Variants in SCGB2B2 observed in about 807,000 individuals in gnomAD.
SCGB2B2 encodes the protein secretoglobin family 2B member 2, also known as secretoglobin-like protein.
In SCGB2B2, 11 loss-of-function variants were observed where a neutral mutation model predicts 7.6. That is an observed-to-expected ratio of 1.45 (90% confidence interval 0.91 to 2.40). The LOEUF is 2.40. Among genes scored for constraint, SCGB2B2 ranks in the 30% most tolerant of loss-of-function variants. The pLI is 0.00. For missense variants in SCGB2B2, 104 were observed against 115.4 expected (o/e 0.90, Z 0.45); for synonymous variants, 50 against 48.6 (o/e 1.03, Z -0.12).
chr19:34,633,937 T>C (rs1316133926), intron 1 of SCGB2B2, among the ~76,000 whole-genome samples: 1 of 152,144 alleles, frequency 6.6e-6, no homozygotes, highest in Admixed American at 6.5e-5. Flanking sequence ...TAGCGAGCAA[T>C]AAAGCTTGTT....
chr19:34,649,411 C>G (rs956614207), intron 1 of SCGB2B2, among the ~76,000 whole-genome samples: 1 of 152,132 alleles, frequency 6.6e-6, no homozygotes, highest in Non-Finnish European at 1.5e-5. Context: ...CTGAACAGAA[C>G]TGACACACAC....
chr19:34,645,145 A>C (rs1021424358), intron 1 of SCGB2B2, among the ~76,000 whole-genome samples: 3 of 152,178 alleles, frequency 2.0e-5, no homozygotes, highest in Non-Finnish European at 4.4e-5. Context: ...TCGTGAAGGG[A>C]CAATAAACGC....
At chr19:34,632,622 T>C (rs2066565919) in intron 1 of SCGB2B2, 1 of 152,204 alleles carries the variant, frequency 6.6e-6, no homozygotes, top group African/African-American at 2.4e-5. Context: ...GACATGGAGT[T>C]CCTGAAATCC....
At chr19:34,663,879 G>A (rs538227269) in intron 1 of SCGB2B2, among the ~76,000 whole-genome samples, 25 of 152,204 alleles carry the variant, frequency 1.6e-4, no homozygotes, top group African/African-American at 6.0e-4. Context: ...GAGAGGACTG[G>A]GGGGAAGAGA....
chr19:34,611,602 T>C (rs150052566), intron 1 of SCGB2B2, among the ~76,000 whole-genome samples: 19 of 152,196 alleles, frequency 1.2e-4, no homozygotes, highest in African/African-American at 4.6e-4. Context: ...CCCAGGCTTT[T>C]GTATGTTGCA....
rs957789272 is a variant in SCGB2B2, at chr19:34,642,254, C to A, written c.-2032+33376G>T. Among the ~76,000 whole-genome samples, 7 of 152,336 alleles carry A rather than the reference C, an allele frequency of 4.6e-5. No homozygotes were observed. In the South Asian group the frequency reaches 1.0e-3, roughly 23 times the overall value. ...GAGATCCTCAGTGTCCTCAGTATCA[C>A]TGGGGACTCCTGCAATGCTACCCAC... is the stretch of plus-strand genomic sequence containing the variant. On this transcript the variant is annotated intron_variant, in intron 1 of 3. Transcript: ENST00000601241.
chr19:34,661,953 C>G (rs2067468979), intron 1 of SCGB2B2, among the ~76,000 whole-genome samples: 1 of 151,916 alleles, frequency 6.6e-6, no homozygotes, highest in South Asian at 2.1e-4. Context: ...GATCTCGGCT[C>G]ATCGTAACCT....
At chr19:34,606,280 T>C (rs10414881) in intron 1 of SCGB2B2, among the ~76,000 whole-genome samples, 14,445 of 152,040 alleles carry the variant, frequency 0.095, 808 homozygotes, top group South Asian at 0.19. Context: ...ACCTGACATA[T>C]CCATCATAGA....
At chr19:34,625,482 T>C (rs1600054010) in intron 1 of SCGB2B2, among the ~76,000 whole-genome samples, 1 of 152,222 alleles carries the variant, frequency 6.6e-6, no homozygotes, top group East Asian at 1.9e-4. Context: ...ATCCCATGCA[T>C]GGCTCGGAGG....
At chr19:34,603,146 C>G (rs1023157903) in intron 1 of SCGB2B2, among the ~76,000 whole-genome samples, 1 of 152,160 alleles carries the variant, frequency 6.6e-6, no homozygotes, top group African/African-American at 2.4e-5. Context: ...AATAGATGTT[C>G]ACCTGACTCT....
intron 1 of SCGB2B2, among the ~76,000 whole-genome samples, chr19:34,599,331 C>T (rs2065551633): frequency 6.6e-6 from 1 of 152,222 alleles, no homozygotes; most frequent in Non-Finnish European, 1.5e-5. Context: ...TCTCCTTCTC[C>T]CCATCTGTAT....
At chr19:34,668,585 A>G (rs1354147921) in intron 1 of SCGB2B2, among the ~76,000 whole-genome samples, 2 of 152,204 alleles carry the variant, frequency 1.3e-5, no homozygotes, top group Non-Finnish European at 2.9e-5. Context: ...TGCGGGATCC[A>G]CTGGGTGAAG....
At chr19:34,635,443 C>T (rs557474775) in intron 1 of SCGB2B2, 4 of 299,898 alleles carry the variant, frequency 1.3e-5, no homozygotes, top group East Asian at 9.3e-5. Flanking sequence ...TAAGGCCTCT[C>T]TCCAGCGTGA....
intron 1 of SCGB2B2, among the ~76,000 whole-genome samples, chr19:34,612,067 C>T (rs2065948009): frequency 5.4e-5 from 5 of 92,780 alleles, no homozygotes; most frequent in Non-Finnish European, 7.9e-5. Flanking sequence ...TTAGGATAGT[C>T]TCACTCTGTT....
At chr19:34,607,844 C>T (rs2065824060) in intron 1 of SCGB2B2, among the ~76,000 whole-genome samples, 1 of 152,100 alleles carries the variant, frequency 6.6e-6, no homozygotes, top group Non-Finnish European at 1.5e-5. Flanking sequence ...GATATTAATC[C>T]CTTATCAAAT....
At chr19:34,631,642 C>T (rs905654516) in intron 1 of SCGB2B2, among the ~76,000 whole-genome samples, 10 of 152,084 alleles carry the variant, frequency 6.6e-5, no homozygotes, top group East Asian at 3.9e-4. Flanking sequence ...AGATATGCCA[C>T]GTTTATGGGT....
At chr19:34,634,654 G>T (rs1223483706) in intron 1 of SCGB2B2, among the ~76,000 whole-genome samples, 1 of 152,098 alleles carries the variant, frequency 6.6e-6, no homozygotes, top group African/African-American at 2.4e-5. Context: ...GAACTTTCTG[G>T]CACCACATAG....
At chr19:34,640,850 T>C (rs1025099818) in intron 1 of SCGB2B2, among the ~76,000 whole-genome samples, 7 of 152,148 alleles carry the variant, frequency 4.6e-5, no homozygotes, top group Admixed American at 2.6e-4. Flanking sequence ...TATTATTTTT[T>C]TCCAGATGTG....
chr19:34,663,079 G>A (rs1479273345), intron 1 of SCGB2B2, among the ~76,000 whole-genome samples: 2 of 152,228 alleles, frequency 1.3e-5, no homozygotes, highest in African/African-American at 4.8e-5. Flanking sequence ...AACCCAATGA[G>A]ATGCCGACGC....
Sources: gnomAD v4.1 joint callset for allele counts (sites outside exome capture counted in the v4.1 genomes callset) on GRCh38, gnomAD v4.1.1 for gene constraint, MANE v1.5 for transcripts, NCBI Gene and HGNC (gene_info 2026-07-23, HGNC 2026-07-21) for gene names.